Variants in ZNF560 observed in about 807,000 individuals in gnomAD.
ZNF560 encodes the protein zinc finger protein 560.
In ZNF560, 54 loss-of-function variants were observed where a neutral mutation model predicts 81.8. The observed-to-expected ratio is 0.66, with a 90% CI of 0.53 to 0.83. The LOEUF is 0.83. Among genes scored for constraint, ZNF560 ranks in the 40% least tolerant of loss-of-function variants. The pLI, the probability that ZNF560 is intolerant of heterozygous loss-of-function variation, is 0.00. For missense variants in ZNF560, 940 were observed against 932.4 expected (o/e 1.01, Z -0.11); for synonymous variants, 321 against 317.9 (o/e 1.01, Z -0.10).
At position 9,484,724 on chromosome 19, in the gene ZNF560, A is replaced by G. The variant is rs191631782; in HGVS notation, c.-56-9355T>C. 8.7e-4 allele frequency among the ~76,000 whole-genome samples: 133 copies of G among 152,006 alleles called. 1 individual carries two copies. The highest frequency in any genetic ancestry group is 1.5e-3 in the Non-Finnish European group (102 of 67,952). On this transcript the variant is annotated intron_variant, in intron 2 of 9. Transcript: ENST00000301480. ...CTTGAACCGCAGAGGCGGAGGCTGC[A>G]GTGAGCTGAGATCGCACCACTGCAC...
rs1171151159 is a variant in ZNF560 at position 9,467,762 on chromosome 19, T to C, written c.1185A>G (p.Val395=). 1.9e-6 allele frequency: 3 copies of C among 1,614,084 alleles called. No homozygotes were observed. Among genetic ancestry groups the C allele is most frequent in the African/African-American group, 1.3e-5 (1 of 74,940 alleles). Residue 395 remains valine (V), a synonymous_variant, in exon 10 of 10, where the codon GTA becomes GTG. Transcript: ENST00000301480. ...AGGGCTTCTCTCCAGTGTGAGTTCG[T>C]ACATGTTCAAGAAAGCCTGACGGCA... ...FTVPSGFLEH[V]RTHTGEKPYG...
In ZNF560 at chr19:9,466,845, T is replaced by A; in HGVS notation, c.2102A>T (p.Asp701Val). The A allele has an allele frequency of 6.2e-7, 1 of 1,614,146 alleles. No homozygotes were observed. Among genetic ancestry groups the A allele is most frequent in the South Asian group, 1.1e-5 (1 of 91,078 alleles). Reference sequence around the variant, plus strand: ...TATTTTGGTGAGAGTTTTTAAGCGATCATGAAAGCACATGGAATTTCGAAA... The same window carrying A: ...TATTTTGGTGAGAGTTTTTAAGCGAACATGAAAGCACATGGAATTTCGAAA... ...NSFRNSMCFHDRLKTLTKIKP... is the reference protein window; with the variant it reads ...NSFRNSMCFHVRLKTLTKIKP... Residue 701 changes from aspartate (D) to valine (V), a missense_variant, in exon 10 of 10, where the codon GAT becomes GTT. Asp to Val is a radical substitution (Grantham distance 152, BLOSUM62 -3). Coordinates refer to ENST00000301480, the MANE Select transcript of ZNF560 (RefSeq NM_152476.3).
At chr19:9,505,091 T>TAAAC in the ZNF560 span, among the ~76,000 whole-genome samples, 1 of 151,982 alleles carries the variant, frequency 6.6e-6, no homozygotes, top group Non-Finnish European at 1.5e-5. Context: ...CTCAAAAAAA[T>TAAAC]AAATAAATAA....
the ZNF560 span, among the ~76,000 whole-genome samples, chr19:9,454,897 G>A: frequency 8.6e-5 from 13 of 152,040 alleles, no homozygotes; most frequent in Non-Finnish European, 1.3e-4. Context: ...GAACAGATCC[G>A]TCAACCACTT....
chr19:9,497,914 T>G (rs556269632), intron 2 of ZNF560, among the ~76,000 whole-genome samples: 8 of 152,158 alleles, frequency 5.3e-5, no homozygotes, highest in African/African-American at 9.7e-5. Flanking sequence ...GTTTCTTTAG[T>G]AGAAAGACTC....
chr19:9,450,304 G>GA, the ZNF560 span, among the ~76,000 whole-genome samples: 1 of 146,946 alleles, frequency 6.8e-6, no homozygotes, highest in African/African-American at 2.6e-5. Context: ...AAAAAAAACT[G>GA]AAAAAAGAAA....
At chr19:9,481,340 G>A (rs2073286483) in intron 2 of ZNF560, among the ~76,000 whole-genome samples, 1 of 152,028 alleles carries the variant, frequency 6.6e-6, no homozygotes, top group East Asian at 1.9e-4. Context: ...CCTAGGCAAT[G>A]CCATTCAGGA....
At chr19:9,445,996 C>T in the ZNF560 span, among the ~76,000 whole-genome samples, 1 of 152,202 alleles carries the variant, frequency 6.6e-6, no homozygotes, top group South Asian at 2.1e-4. Flanking sequence ...AGAAAACAAA[C>T]TGAGGTATTA....
At chr19:9,455,467 G>C in the ZNF560 span, among the ~76,000 whole-genome samples, 1 of 152,192 alleles carries the variant, frequency 6.6e-6, no homozygotes, top group Non-Finnish European at 1.5e-5. Context: ...TTGGTGGCTG[G>C]GCTGCATTAG....
At chr19:9,450,559 G>GTTTA in the ZNF560 span, among the ~76,000 whole-genome samples, 1 of 151,956 alleles carries the variant, frequency 6.6e-6, no homozygotes, top group African/African-American at 2.4e-5. Context: ...TTATTTGTTT[G>GTTTA]TTTATTTATT....
At chr19:9,472,163 T>G (rs1405799605) in intron 5 of ZNF560, among the ~76,000 whole-genome samples, 1 of 151,828 alleles carries the variant, frequency 6.6e-6, no homozygotes, top group East Asian at 1.9e-4. Context: ...GGATGTTAGT[T>G]CCCTCCAAAT....
chr19:9,478,488 T>TA (rs61419255), intron 2 of ZNF560, among the ~76,000 whole-genome samples: 152,350 of 152,350 alleles, frequency 1, 76,175 homozygotes, highest in Non-Finnish European at 1. Context: ...AGCACGTAGC[T>TA]AATTCAGAAT....
chr19:9,504,183 C>T, the ZNF560 span, among the ~76,000 whole-genome samples: 1 of 152,232 alleles, frequency 6.6e-6, no homozygotes, highest in East Asian at 1.9e-4. Flanking sequence ...CCTGTAATCC[C>T]AGCATTTTGG....
Position 9,483,698 on chromosome 19 carries a change from C to T in ZNF560, c.-56-8329G>A, listed in dbSNP as rs1212027907. Among the ~76,000 whole-genome samples the T allele has an allele frequency of 1.3e-3, 192 of 151,122 alleles. 2 individuals are homozygous for T. The highest frequency in any genetic ancestry group is 4.3e-3 in the African/African-American group (178 of 41,218). Reference sequence around the variant, plus strand: ...GTGGGGGGCGCCTCCGCCCGGCCGCCGCCCCGTCTGGGAGGTGGGGGGCGC... The same window carrying T: ...GTGGGGGGCGCCTCCGCCCGGCCGCTGCCCCGTCTGGGAGGTGGGGGGCGC... On this transcript the variant is annotated intron_variant, in intron 2 of 9. Transcript: ENST00000301480.
chr19:9,446,416 T>C, the ZNF560 span, among the ~76,000 whole-genome samples: 1 of 140,826 alleles, frequency 7.1e-6, no homozygotes, highest in South Asian at 2.4e-4. Context: ...ACATAAAATA[T>C]AGGATGCATT....
Position 9,466,852 on chromosome 19 carries a change from A to G in ZNF560, c.2095T>C (p.Phe699Leu), listed in dbSNP as rs2073028218. ...GTGAGAGTTTTTAAGCGATCATGAA[A>G]GCACATGGAATTTCGAAAGGAATTT... ...CGNSFRNSMC[F>L]HDRLKTLTKI... The change falls in exon 10 of 10, where the codon TTT (phenylalanine) becomes CTT (leucine). Residue 699 changes from phenylalanine (F) to leucine (L), a missense_variant. Phe to Leu is a conservative substitution (Grantham distance 22). Coordinates refer to ENST00000301480, the MANE Select transcript of ZNF560 (RefSeq NM_152476.3). The G allele has an allele frequency of 6.2e-7, 1 of 1,613,478 alleles. No homozygotes were observed. The highest frequency in any genetic ancestry group is 8.5e-7 in the Non-Finnish European group (1 of 1,179,866).
At chr19:9,506,078 C>A in the ZNF560 span, among the ~76,000 whole-genome samples, 5 of 151,912 alleles carry the variant, frequency 3.3e-5, no homozygotes, top group African/African-American at 1.2e-4. Flanking sequence ...CTGCAACCAC[C>A]ACCTCCTGGG....
At chr19:9,459,717 G>A in the ZNF560 span, among the ~76,000 whole-genome samples, 1 of 152,262 alleles carries the variant, frequency 6.6e-6, no homozygotes, top group South Asian at 2.1e-4. Context: ...GGGGTAGAAA[G>A]GTAGCTGTGA....
At chr19:9,471,399 G>T in intron 5 of ZNF560, 21 bp from the exon 6 acceptor site, 1 of 1,461,020 alleles carries the variant, frequency 6.8e-7, no homozygotes. Flanking sequence ...AACATAAACT[G>T]AGGTTTTTTT....
Sources: gnomAD v4.1 joint callset for allele counts (sites outside exome capture counted in the v4.1 genomes callset) on GRCh38, gnomAD v4.1.1 for gene constraint, MANE v1.5 for transcripts, NCBI Gene and HGNC (gene_info 2026-07-23, HGNC 2026-07-21) for gene names.